SLC7A9: variants seen among roughly 807,000 people sequenced by gnomAD.
The protein encoded by SLC7A9 is B(0,+)-type amino acid transporter 1.
A neutral mutation model predicts 54.1 loss-of-function variants in SLC7A9; 38 were observed. The ratio of observed to expected loss-of-function variants is 0.70; its 90% CI spans 0.54 to 0.92. SLC7A9 has a LOEUF of 0.92. Among genes scored for constraint, SLC7A9 ranks in the 40% least tolerant of loss-of-function variants. SLC7A9 has a pLI of 0.00. For synonymous variants in SLC7A9, 264 were observed against 258.9 expected, an observed-to-expected ratio of 1.02 and a Z score of -0.19; for missense variants, 537 against 636.1, an observed-to-expected ratio of 0.84 and a Z score of 1.68.
chr19:32,833,089 G>A (rs1255569483), intron 12 of SLC7A9, 60 bp downstream of exon 12: 2 of 1,517,796 alleles, frequency 1.3e-6, no homozygotes, highest in Non-Finnish European at 1.8e-6. Context: ...CAGGACAGGT[G>A]AGGACGCCGT....
chr19:32,863,748 G>C (rs1239611213), intron 4 of SLC7A9, among the ~76,000 whole-genome samples: 4 of 152,186 alleles, frequency 2.6e-5, no homozygotes, highest in Non-Finnish European at 5.9e-5. Context: ...CCTTTTAAAA[G>C]AACCTGGAGA....
intron 6 of SLC7A9, among the ~76,000 whole-genome samples, chr19:32,861,488 TA>T (rs1405666159): frequency 6.6e-6 from 1 of 152,104 alleles, no homozygotes; most frequent in African/African-American, 2.4e-5. Flanking sequence ...CAAGGTTAAA[TA>T]GAAGTGCTAT....
chr19:32,844,930 C>T (rs944908787), intron 9 of SLC7A9, among the ~76,000 whole-genome samples: 6 of 141,942 alleles, frequency 4.2e-5, no homozygotes, highest in Non-Finnish European at 6.0e-5. Context: ...TTTGGGAGCC[C>T]GAGGCAGGCG....
At chr19:32,857,427 G>C (rs1568526483) in intron 9 of SLC7A9, among the ~76,000 whole-genome samples, 1 of 152,170 alleles carries the variant, frequency 6.6e-6, no homozygotes, top group Non-Finnish European at 1.5e-5. Flanking sequence ...CTGGGCGACA[G>C]AGTGAGACCT....
chr19:32,860,242 C>T (rs970365433), intron 7 of SLC7A9: 5 of 1,413,670 alleles, frequency 3.5e-6, no homozygotes, highest in Admixed American at 2.7e-5. Context: ...AAACTCTAAG[C>T]GTGCATAGTG....
intron 8 of SLC7A9, among the ~76,000 whole-genome samples, chr19:32,858,768 C>CTTTATTTATTTATTTATTTATTA (rs1555784558): frequency 4.0e-5 from 6 of 148,534 alleles, no homozygotes; most frequent in African/African-American, 1.5e-4. Flanking sequence ...TGGCATAAAT[C>CTTTATTTATTTATTTATTTATTA]TTTATTTATT....
chr19:32,868,573 G>T lies in SLC7A9; in HGVS notation c.-39C>A. ...GGTTCCAGGAGACTGCAAGGAGGGCGCACAGCTAAATCTTGGTTCAGCAGC... is the reference window on the plus strand; with the variant it reads ...GGTTCCAGGAGACTGCAAGGAGGGCTCACAGCTAAATCTTGGTTCAGCAGC... On this transcript the variant is annotated 5_prime_UTR_variant, in exon 2 of 13. Coordinates refer to ENST00000023064, the MANE Select transcript of SLC7A9 (RefSeq NM_014270.5). 1 of 1,546,146 alleles carries T rather than the reference G, an allele frequency of 6.5e-7. No homozygotes were observed. Among genetic ancestry groups the T allele is most frequent in the African/African-American group, 1.4e-5 (1 of 73,650 alleles).
At position 32,859,897 on chromosome 19, in the gene SLC7A9, A is replaced by G; in HGVS notation, c.817T>C (p.Ser273Pro). The change falls in exon 8 of 13, where the codon TCC (serine) becomes CCC (proline). Residue 273 changes from serine (S) to proline (P), a missense_variant. By Grantham distance (74) the Ser-to-Pro change is moderately conservative. Transcript: ENST00000023064. ...GTGGCAGTCATCACGGTGAAGTAGG[A>G]CACGTTCATGAGGATGTAGCACGCC... ...VTACYILMNV[S>P]YFTVMTATEL... 1.2e-6 allele frequency: 2 copies of G among 1,614,164 alleles called. No individual in the cohort carries two copies. The highest frequency in any genetic ancestry group is 1.7e-6 in the Non-Finnish European group (2 of 1,180,042).
chr19:32,838,296 C>T (rs1968021950), intron 11 of SLC7A9, among the ~76,000 whole-genome samples: 1 of 151,882 alleles, frequency 6.6e-6, no homozygotes, highest in South Asian at 2.1e-4. Flanking sequence ...AGCACACTTC[C>T]TCTTTTTTAA....
intron 7 of SLC7A9, 47 bp from the exon 8 acceptor site, chr19:32,860,011 C>T (rs1568528419): frequency 6.2e-7 from 1 of 1,613,854 alleles, no homozygotes; most frequent in Non-Finnish European, 8.5e-7. Context: ...CCACAGCCTC[C>T]CGCGGAAGAT....
chr19:32,846,476 G>A lies in SLC7A9; in HGVS notation c.978-2525C>T, dbSNP rs1423127701. The stretch of plus-strand genomic sequence containing the variant: ...GCGGCAGCGAGGCTGGGGGAGGGGC[G>A]CCTGCCATTGCCCAGGCTTGATTAG... On this transcript the variant is annotated intron_variant, in intron 9 of 12. Transcript: ENST00000023064. 3.3e-5 allele frequency among the ~76,000 whole-genome samples: 5 copies of A among 152,282 alleles called. No homozygotes were observed. In the East Asian group the frequency reaches 5.8e-4, roughly 18 times the overall value.
chr19:32,837,513 A>G (rs930271007), intron 11 of SLC7A9, among the ~76,000 whole-genome samples: 27 of 91,638 alleles, frequency 2.9e-4, no homozygotes, highest in African/African-American at 1.0e-3. Flanking sequence ...AAAAAAAAAA[A>G]AAAAAGAAAC....
intron 1 of SLC7A9, 140 bp downstream of exon 1, chr19:32,869,546 A>G (rs1260063328): frequency 6.6e-6 from 1 of 152,188 alleles, no homozygotes; most frequent in East Asian, 1.9e-4. Context: ...AAGGAAAGAA[A>G]ACATTGCCGA....
intron 12 of SLC7A9, chr19:32,832,909 CA>C: frequency 2.0e-6 from 1 of 500,918 alleles, no homozygotes; most frequent in Admixed American, 3.2e-5. Context: ...ACTGTGTCTC[CA>C]AAAAGAAAAG....
intron 4 of SLC7A9, 50 bp downstream of exon 4, chr19:32,864,046 C>G: frequency 6.2e-7 from 1 of 1,612,274 alleles, no homozygotes; most frequent in South Asian, 1.1e-5. Context: ...TCCCCAGACA[C>G]CCTCTGTGCC....
intron 8 of SLC7A9, among the ~76,000 whole-genome samples, chr19:32,859,565 A>G (rs1297996648): frequency 2.0e-5 from 3 of 152,074 alleles, no homozygotes; most frequent in African/African-American, 7.2e-5. Flanking sequence ...CAGTTTTGCC[A>G]AAAATATATA....
At position 32,865,045 on chromosome 19, in the gene SLC7A9, A is replaced by G. The variant is rs11667101; in HGVS notation, c.88-269T>C. Among the ~76,000 whole-genome samples the G allele has an allele frequency of 0.31, 47,764 of 152,112 alleles. 7,658 individuals are homozygous for G. The highest frequency in any genetic ancestry group is 0.37 in the Middle Eastern group (109 of 294). On this transcript the variant is annotated intron_variant, in intron 2 of 12. Coordinates refer to ENST00000023064, the MANE Select transcript of SLC7A9 (RefSeq NM_014270.5). ...GAGGAGGACGCTGAGGCACAGAAAG[A>G]TTAGGAGGCTGTCCGGGGTTTACAG...
intron 2 of SLC7A9, among the ~76,000 whole-genome samples, chr19:32,865,063 G>A (rs1270012965): frequency 2.0e-5 from 3 of 152,216 alleles, no homozygotes; most frequent in African/African-American, 4.8e-5. Context: ...GCTGTCCGGG[G>A]TTTACAGCTA....
chr19:32,867,648 TTAAAA>T (rs1484342815), intron 2 of SLC7A9, among the ~76,000 whole-genome samples: 2 of 151,816 alleles, frequency 1.3e-5, no homozygotes, highest in African/African-American at 4.8e-5. Context: ...ATTTATGAAC[TTAAAA>T]TAATATGCGG....
Sources: gnomAD v4.1 joint callset for allele counts (sites outside exome capture counted in the v4.1 genomes callset) on GRCh38, gnomAD v4.1.1 for gene constraint, MANE v1.5 for transcripts, NCBI Gene and HGNC (gene_info 2026-07-23, HGNC 2026-07-21) for gene names.